PAQR4: variants seen among roughly 807,000 people sequenced by gnomAD.
PAQR4 encodes the protein progestin and adipoQ receptor family member IV.
A neutral mutation model predicts 20.9 loss-of-function variants in PAQR4; 26 were observed. The ratio of observed to expected loss-of-function variants is 1.24; its 90% confidence interval spans 0.91 to 1.73. PAQR4 has a LOEUF of 1.73. PAQR4 is among the 40% of genes most tolerant of loss of function. The probability of loss-of-function intolerance (pLI) is 0.00; values close to 1 mark genes in which losing one functional copy is unlikely to be tolerated. For synonymous variants in PAQR4, 193 were observed against 171.6 expected, an observed-to-expected ratio of 1.12 and a Z score of -0.97; for missense variants, 400 against 380.1, an observed-to-expected ratio of 1.05 and a Z score of -0.44.
Position 2,972,885 on chromosome 16 carries a change from C to T in PAQR4, c.*937C>T. ...AGACCATGGGAGTTCCCGAGGGGCC[C>T]CAGCTTTCAAGGGCGACGGGAGAGA... On this transcript the variant is annotated 3_prime_UTR_variant, in exon 3 of 3. Coordinates refer to ENST00000318782, the MANE Select transcript of PAQR4 (RefSeq NM_152341.5). 1.9e-6 allele frequency: 3 copies of T among 1,544,142 alleles called. No individual in the cohort carries two copies. Among genetic ancestry groups the T allele is most frequent in the African/African-American group, 1.4e-5 (1 of 73,928 alleles).
rs1241758558 is a variant in PAQR4, at chr16:2,969,665, G to T, written c.-10G>T. On this transcript the variant is annotated 5_prime_UTR_variant, in exon 1 of 3. Coordinates refer to ENST00000318782, the MANE Select transcript of PAQR4 (RefSeq NM_152341.5). ...CAGCAGGAGCACGGGCTGCCCGCGCGGTGCGGACCATGGCGTTCCTGGCCG... is the reference window on the plus strand; with the variant it reads ...CAGCAGGAGCACGGGCTGCCCGCGCTGTGCGGACCATGGCGTTCCTGGCCG... The T allele has an allele frequency of 6.6e-7, 1 of 1,520,544 alleles. No homozygotes were observed. The highest frequency in any genetic ancestry group is 8.8e-7 in the Non-Finnish European group (1 of 1,136,868). 94.2% of individuals were successfully genotyped at this position (1,520,544 alleles called of 1,614,324 possible).
In PAQR4 at chr16:2,972,365, C is replaced by T. The variant is rs2072019727; in HGVS notation, c.*417C>T. ...TGTGGCCAGTCTTCCTGATCTCCAT[C>T]TTTCTGCCCTGCATACCAGCCCTCC... On this transcript the variant is annotated 3_prime_UTR_variant, in exon 3 of 3. Transcript: ENST00000318782. The T allele has an allele frequency of 5.6e-6, 3 of 534,506 alleles. No individual in the cohort carries two copies. The Admixed American group carries it at 9.9e-5, about 18-fold the overall frequency. 33.1% of individuals were successfully genotyped at this position (534,506 alleles called of 1,614,324 possible). A position where few individuals can be genotyped will look rare whatever the true frequency, so the allele number is the denominator to read the frequency against.
At position 2,973,327 on chromosome 16, in the gene PAQR4, G is replaced by A. The variant is rs2072064362; in HGVS notation, c.*1379G>A. The A allele has an allele frequency of 2.0e-6, 3 of 1,532,766 alleles. No individual in the cohort carries two copies. In the Admixed American group the frequency reaches 6.3e-5, roughly 32 times the overall value. The allele number at this position is 1,532,766 out of a possible 1,614,324, so 94.9% of individuals were successfully genotyped here. A position where few individuals can be genotyped will look rare whatever the true frequency, so the allele number is the denominator to read the frequency against. ...CTCCCGCCTGACAAACAGGCAGGGA[G>A]CCACAGTCAGGGACAATAAAAACTT... On this transcript the variant is annotated 3_prime_UTR_variant, in exon 3 of 3. Transcript: ENST00000318782.
In PAQR4 at chr16:2,969,800, C is replaced by T; in HGVS notation, c.126C>T (p.Leu42=). Residue 42 remains leucine (L), a synonymous_variant, in exon 1 of 3, where the codon CTC becomes CTT. Coordinates refer to ENST00000318782, the MANE Select transcript of PAQR4 (RefSeq NM_152341.5). ...GCGGCTCGGGCTGCCTGCGCAGCCT[C>T]TTCTACCTGCACAACGAACTGGGCA... The part of the protein sequence containing the change: ...ASSGSGCLRS[L]FYLHNELGNI... 4 of 1,610,976 alleles carry T rather than the reference C, an allele frequency of 2.5e-6. No homozygotes were observed. The highest frequency in any genetic ancestry group is 3.4e-6 in the Non-Finnish European group (4 of 1,179,146).
At position 2,969,843 on chromosome 16, in the gene PAQR4, G is replaced by A. The variant is rs770282739; in HGVS notation, c.166+3G>A. 3.1e-6 allele frequency: 5 copies of A among 1,609,682 alleles called. No individual in the cohort carries two copies. The African/African-American group carries it at 6.7e-5, about 22-fold the overall frequency. ...ACTGGGCAACATCTACACGCACGGTGAGCCGCGTCCCGCAACGCGCTTCCC... is the reference window on the plus strand; with the variant it reads ...ACTGGGCAACATCTACACGCACGGTAAGCCGCGTCCCGCAACGCGCTTCCC... On this transcript the variant is annotated splice_donor_region_variant and intron_variant, in intron 1 of 2. Coordinates refer to ENST00000318782, the MANE Select transcript of PAQR4 (RefSeq NM_152341.5).
rs772875473 is a variant in PAQR4, at chr16:2,971,281, G to A, written c.291G>A (p.Val97=). ...GCCTTGCACCCCCTGCAGGCTCCGT[G>A]CTCTATCACCTCTTTATGTGCCACC... ...VACLAPPAGS[V]LYHLFMCHQG... is the part of the protein sequence containing the mutation. The change falls in exon 2 of 3, where the codon GTG becomes GTA. Residue 97 remains valine (V), a synonymous_variant. Coordinates refer to ENST00000318782, the MANE Select transcript of PAQR4 (RefSeq NM_152341.5). 13 of 1,612,794 alleles carry A rather than the reference G, an allele frequency of 8.1e-6. No homozygotes were observed. Among genetic ancestry groups the A allele is most frequent in the Non-Finnish European group, 8.5e-7 (1 of 1,180,022 alleles).
rs946409348 is a variant in PAQR4, at chr16:2,972,168, T to C, written c.*220T>C. ...GCCTTTTCCCTCCAAGCTCCTATTTTACTGTGTCAGCTGGAAGGAAACCTT... is the reference window on the plus strand; with the variant it reads ...GCCTTTTCCCTCCAAGCTCCTATTTCACTGTGTCAGCTGGAAGGAAACCTT... On this transcript the variant is annotated 3_prime_UTR_variant, in exon 3 of 3. Transcript: ENST00000318782. 1 of 573,994 alleles carries C rather than the reference T, an allele frequency of 1.7e-6. No individual in the cohort carries two copies. The highest frequency in any genetic ancestry group is 3.0e-6 in the Non-Finnish European group (1 of 330,202). 35.6% of individuals were successfully genotyped at this position (573,994 alleles called of 1,614,324 possible).
In PAQR4 at chr16:2,969,695, G is replaced by T. The variant is rs775917796; in HGVS notation, c.21G>T (p.Pro7=). The change falls in exon 1 of 3, where the codon CCG becomes CCT. Residue 7 remains proline, a synonymous_variant. Coordinates refer to ENST00000318782, the MANE Select transcript of PAQR4 (RefSeq NM_152341.5). MAFLAG[P]RLLDWASSPP... ...GGACCATGGCGTTCCTGGCCGGGCC[G>T]CGCCTGCTGGACTGGGCCAGCTCGC... 24 of 1,583,092 alleles carry T rather than the reference G, an allele frequency of 1.5e-5. No homozygotes were observed. Among genetic ancestry groups the T allele is most frequent in the Non-Finnish European group, 2.0e-5 (23 of 1,166,946 alleles).
In PAQR4 at chr16:2,971,599, G is replaced by A. The variant is rs1361306304; in HGVS notation, c.473G>A (p.Gly158Asp). The part of the protein sequence containing the change: ...AALVGYTVLS[G>D]VAGWRALTAP... ...CTGGTGGGCTACACTGTGTTGTCGG[G>A]TGTGGCCGGCTGGCGTGCTCTCACC... The change falls in exon 3 of 3, where the codon GGT (glycine) becomes GAT (aspartate). Residue 158 changes from glycine to aspartate, a missense_variant. Transcript: ENST00000318782. The A allele has an allele frequency of 6.2e-7, 1 of 1,602,740 alleles. No individual in the cohort carries two copies. Among genetic ancestry groups the A allele is most frequent in the Admixed American group, 1.7e-5 (1 of 59,996 alleles).
rs1194489671 is a variant in PAQR4, at chr16:2,972,663, T to C, written c.*715T>C. 2.6e-6 allele frequency: 4 copies of C among 1,535,628 alleles called. No individual in the cohort carries two copies. The highest frequency in any genetic ancestry group is 3.5e-6 in the Non-Finnish European group (4 of 1,146,806). On this transcript the variant is annotated 3_prime_UTR_variant, in exon 3 of 3. Coordinates refer to ENST00000318782, the MANE Select transcript of PAQR4 (RefSeq NM_152341.5). Reference sequence around the variant, plus strand: ...GGGATGTGCCTGCTCAGGAAACCTCTTTGCTCCACACAGCATGGGGCTTCA... The same window carrying C: ...GGGATGTGCCTGCTCAGGAAACCTCCTTGCTCCACACAGCATGGGGCTTCA...
Position 2,973,442 on chromosome 16 carries a change from T to C in PAQR4, c.*1494T>C. On this transcript the variant is annotated 3_prime_UTR_variant, in exon 3 of 3. Transcript: ENST00000318782. ...CCCCCTCTGTCCTTTTCAGAACACATGGACTTGGAGGCAGATTTGAAATAA... is the reference window on the plus strand; with the variant it reads ...CCCCCTCTGTCCTTTTCAGAACACACGGACTTGGAGGCAGATTTGAAATAA... 2 of 1,527,856 alleles carry C rather than the reference T, an allele frequency of 1.3e-6. No individual in the cohort carries two copies. Among genetic ancestry groups the C allele is most frequent in the Non-Finnish European group, 1.8e-6 (2 of 1,141,872 alleles). 94.6% of individuals were successfully genotyped at this position (1,527,856 alleles called of 1,614,324 possible). A position where few individuals can be genotyped will look rare whatever the true frequency, so the allele number is the denominator to read the frequency against.
chr16:2,971,015 CTG>C (rs2071970854), intron 1 of PAQR4, 140 bp from the exon 2 acceptor site: 2 of 775,466 alleles, frequency 2.6e-6, no homozygotes, highest in Admixed American at 4.8e-5. Flanking sequence ...TGCCCAGGGC[CTG>C]TCTCTGGCCA....
In PAQR4 at chr16:2,971,498, TCTCTC is replaced by T. The variant is rs1200924861; in HGVS notation, c.389-12_389-8del. On this transcript the variant is annotated splice_polypyrimidine_tract_variant and intron_variant, in intron 2 of 2. Transcript: ENST00000318782. ...CTCACAATGACATGCCCTCTCCTGTTCTCTCCTCTTGTGCAGGGGCCCTGCCCATC... is the reference window on the plus strand; with the variant it reads ...CTCACAATGACATGCCCTCTCCTGTTCTCTTGTGCAGGGGCCCTGCCCATC... The T allele has an allele frequency of 6.3e-7, 1 of 1,578,782 alleles. No homozygotes were observed. Among genetic ancestry groups the T allele is most frequent in the Non-Finnish European group, 8.6e-7 (1 of 1,166,632 alleles).
At chr16:2,971,422 A>C in intron 2 of PAQR4, 44 bp downstream of exon 2, 1 of 1,591,470 alleles carries the variant, frequency 6.3e-7, no homozygotes, top group South Asian at 1.1e-5. Flanking sequence ...CACCGGCGGG[A>C]GAGGCATGGG....
At position 2,969,790 on chromosome 16, in the gene PAQR4, T is replaced by C. The variant is rs551027199; in HGVS notation, c.116T>C (p.Leu39Pro). ...CCCGCCAGCAGCGGCTCGGGCTGCCTGCGCAGCCTCTTCTACCTGCACAAC... is the reference window on the plus strand; with the variant it reads ...CCCGCCAGCAGCGGCTCGGGCTGCCCGCGCAGCCTCTTCTACCTGCACAAC... ...YRPASSGSGC[L>P]RSLFYLHNEL... The change falls in exon 1 of 3, where the codon CTG becomes CCG. Residue 39 changes from leucine to proline, a missense_variant. Coordinates refer to ENST00000318782, the MANE Select transcript of PAQR4 (RefSeq NM_152341.5). The C allele has an allele frequency of 7.5e-6, 12 of 1,606,556 alleles. No individual in the cohort carries two copies. The highest frequency in any genetic ancestry group is 9.3e-6 in the Non-Finnish European group (11 of 1,177,608).
chr16:2,973,030 G>A lies in PAQR4; in HGVS notation c.*1082G>A. 2 of 1,609,244 alleles carry A rather than the reference G, an allele frequency of 1.2e-6. No homozygotes were observed. Among genetic ancestry groups the A allele is most frequent in the Admixed American group, 1.7e-5 (1 of 59,328 alleles). ...AAGGAGGGGAAGGAGCCCCGAGGAG[G>A]CTCTGAGTTGATGTCACTTAGGTCC... On this transcript the variant is annotated 3_prime_UTR_variant, in exon 3 of 3. Transcript: ENST00000318782.
Position 2,972,749 on chromosome 16 carries a change from A to T in PAQR4, c.*801A>T. On this transcript the variant is annotated 3_prime_UTR_variant, in exon 3 of 3. Coordinates refer to ENST00000318782, the MANE Select transcript of PAQR4 (RefSeq NM_152341.5). Reference sequence around the variant, plus strand: ...AGCAGGGCTCAGCCTCAGGGGCGTTAAGACCCTGGATGACATCAATAAAGG... The same window carrying T: ...AGCAGGGCTCAGCCTCAGGGGCGTTTAGACCCTGGATGACATCAATAAAGG... The T allele has an allele frequency of 6.5e-7, 1 of 1,537,676 alleles. No individual in the cohort carries two copies. The highest frequency in any genetic ancestry group is 8.7e-7 in the Non-Finnish European group (1 of 1,146,784).
In PAQR4 at chr16:2,971,320, T is replaced by G; in HGVS notation, c.330T>G (p.Ala110=). The G allele has an allele frequency of 1.2e-6, 2 of 1,612,418 alleles. No homozygotes were observed. ...TTATGTGCCACCAAGGGGGCAGCGC[T>G]GTGTACGCCCGGCTCCTCGCCCTGG... is the stretch of plus-strand genomic sequence containing the variant. ...HLFMCHQGGS[A]VYARLLALDM... is the part of the protein sequence containing the mutation. The change falls in exon 2 of 3, where the codon GCT becomes GCG. Residue 110 remains alanine, a synonymous_variant. Transcript: ENST00000318782.
At chr16:2,970,736 G>A (rs1159655067) in intron 1 of PAQR4, among the ~76,000 whole-genome samples, 5 of 152,238 alleles carry the variant, frequency 3.3e-5, no homozygotes, top group African/African-American at 1.2e-4. Context: ...AGTGGCCCCG[G>A]GCTGGCATCA....
Sources: allele counts gnomAD v4.1 joint callset (sites outside exome capture counted in the v4.1 genomes callset), GRCh38; gene constraint gnomAD v4.1.1; transcripts MANE v1.5; gene names NCBI Gene and HGNC (gene_info 2026-07-23, HGNC 2026-07-21).